DNM3: variants seen among roughly 807,000 people sequenced by gnomAD.
DNM3 encodes the protein dynamin-3.
Under a neutral mutation model 101.6 loss-of-function variants are expected in DNM3, and 47 were observed. The ratio of observed to expected loss-of-function variants is 0.46; its 90% CI spans 0.37 to 0.59. The LOEUF (loss-of-function observed/expected upper bound fraction) is 0.59, where lower values mean the gene tolerates loss of function less well. DNM3 is among the 20% of genes least tolerant of loss of function. The pLI, the probability that DNM3 is intolerant of heterozygous loss-of-function variation, is 0.00. For missense variants in DNM3, 849 were observed against 1,085.7 expected (o/e 0.78, Z 3.06); for synonymous variants, 385 against 387.9 (o/e 0.99, Z 0.09).
chr1:172,242,808 C>A (rs1191936240), intron 14 of DNM3, among the ~76,000 whole-genome samples: 4 of 152,142 alleles, frequency 2.6e-5, no homozygotes, highest in South Asian at 2.1e-4. Context: ...CTACCATACC[C>A]ACGCATGTGG....
At chr1:172,166,770 A>C (rs1188592079) in intron 14 of DNM3, among the ~76,000 whole-genome samples, 1 of 151,902 alleles carries the variant, frequency 6.6e-6, no homozygotes, top group African/African-American at 2.4e-5. Flanking sequence ...AATAGAACTT[A>C]CTCATTTTAA....
intron 4 of DNM3, among the ~76,000 whole-genome samples, chr1:172,011,195 C>G (rs771851476): frequency 6.6e-6 from 1 of 151,876 alleles, no homozygotes; most frequent in Non-Finnish European, 1.5e-5. Flanking sequence ...TCAATAAGAT[C>G]TTTCCACTGT....
intron 1 of DNM3, among the ~76,000 whole-genome samples, chr1:171,909,708 C>T (rs1478866521): frequency 6.6e-6 from 1 of 152,098 alleles, no homozygotes; most frequent in Non-Finnish European, 1.5e-5. Context: ...TGTCAAAGAC[C>T]TCTTTTCAAA....
At chr1:172,148,010 A>G (rs2057980460) in intron 14 of DNM3, among the ~76,000 whole-genome samples, 1 of 152,110 alleles carries the variant, frequency 6.6e-6, no homozygotes, top group African/African-American at 2.4e-5. Context: ...TATTGATGAT[A>G]AAATTAAAGC....
At chr1:172,414,898 T>C (rs1347092734), downstream of DNM3, among the ~76,000 whole-genome samples, 22 of 41,010 alleles carry the variant, frequency 5.4e-4, no homozygotes, top group Non-Finnish European at 1.2e-3. Flanking sequence ...CAAGACCTCA[T>C]CTCTAAAAAA....
intron 1 of DNM3, among the ~76,000 whole-genome samples, chr1:171,885,865 G>C (rs550441720): frequency 6.6e-6 from 1 of 152,284 alleles, no homozygotes; most frequent in Non-Finnish European, 1.5e-5. Context: ...GTGAGGGTTA[G>C]GGGGTGGATA....
intron 1 of DNM3, among the ~76,000 whole-genome samples, chr1:171,884,801 C>T (rs553646735): frequency 6.6e-6 from 1 of 152,302 alleles, no homozygotes; most frequent in East Asian, 1.9e-4. Flanking sequence ...CAAGAACTTT[C>T]AAATTTCTGC....
At chr1:172,334,122 G>GA (rs1311842533) in intron 17 of DNM3, among the ~76,000 whole-genome samples, 1 of 152,022 alleles carries the variant, frequency 6.6e-6, no homozygotes, top group African/African-American at 2.4e-5. Flanking sequence ...TTAAGAAACC[G>GA]AAAAAATACA....
At chr1:171,961,176 G>A (rs75272981) in intron 2 of DNM3, among the ~76,000 whole-genome samples, 1 of 152,068 alleles carries the variant, frequency 6.6e-6, no homozygotes, top group African/African-American at 2.4e-5. Flanking sequence ...AGATGGATGC[G>A]ATGGAGGGAT....
At chr1:172,337,130 C>A (rs964668207) in intron 17 of DNM3, among the ~76,000 whole-genome samples, 5 of 152,160 alleles carry the variant, frequency 3.3e-5, no homozygotes, top group African/African-American at 1.2e-4. Context: ...CCAAATATCA[C>A]CCCTTTTCCA....
Position 172,042,009 on chromosome 1 carries a change from G to C in DNM3, c.993G>C (p.Gln331His). The change falls in exon 8 of 21, where the codon CAG becomes CAC. Residue 331 changes from glutamine (Q) to histidine (H), a missense_variant and splice_region_variant. Around this residue, in one of 5 missense-constraint regions of DNM3, gnomAD observed 388 missense variants for 483.0 expected, o/e 0.80. Transcript: ENST00000627582. ...ATCTATTTCTCTTTAACAATTACAG[G>C]ATGGTTCAGCAATTTGCTGTGGACT... is the stretch of plus-strand genomic sequence containing the variant. ...DPTRKTKALL[Q>H]MVQQFAVDFE... 1 of 1,585,628 alleles carries C rather than the reference G, an allele frequency of 6.3e-7. No homozygotes were observed. Among genetic ancestry groups the C allele is most frequent in the Non-Finnish European group, 8.5e-7 (1 of 1,171,528 alleles).
intron 2 of DNM3, among the ~76,000 whole-genome samples, chr1:171,972,061 G>C (rs1428692234): frequency 6.6e-6 from 1 of 152,192 alleles, no homozygotes; most frequent in Non-Finnish European, 1.5e-5. Context: ...TAGTAGTTCA[G>C]TTTTGACTTG....
At chr1:171,918,245 A>G (rs1168265085) in intron 1 of DNM3, among the ~76,000 whole-genome samples, 4 of 152,226 alleles carry the variant, frequency 2.6e-5, no homozygotes, top group African/African-American at 9.7e-5. Context: ...CTTGGGTTTT[A>G]AAACGGTTGG....
chr1:171,913,750 G>C lies in DNM3; in HGVS notation c.162-7998G>C, dbSNP rs973935854. Among the ~76,000 whole-genome samples the C allele has an allele frequency of 4.6e-5, 7 of 151,860 alleles. No individual in the cohort carries two copies. The East Asian group carries it at 1.4e-3, about 29-fold the overall frequency. ...TCTTTTTTTGTTGGATCAGTATATT[G>C]AAATATTGTGAGATAGTACTCCTAT... On this transcript the variant is annotated intron_variant, in intron 1 of 20. Transcript: ENST00000627582.
intron 14 of DNM3, among the ~76,000 whole-genome samples, chr1:172,199,290 A>G (rs1029048781): frequency 6.6e-6 from 1 of 151,904 alleles, no homozygotes; most frequent in African/African-American, 2.4e-5. Context: ...GTATTATTTC[A>G]GTTCTTTTTC....
intron 17 of DNM3, among the ~76,000 whole-genome samples, chr1:172,344,023 C>T (rs1378596761): frequency 6.6e-6 from 1 of 152,190 alleles, no homozygotes; most frequent in African/African-American, 2.4e-5. Flanking sequence ...ATCTTCTGTT[C>T]ACTTCAGGGC....
intron 14 of DNM3, among the ~76,000 whole-genome samples, chr1:172,223,608 C>G (rs2060994951): frequency 6.6e-6 from 1 of 152,168 alleles, no homozygotes; most frequent in Non-Finnish European, 1.5e-5. Context: ...CCACTGAACC[C>G]ATGACTTGCC....
At chr1:172,156,502 C>T (rs1318486619) in intron 14 of DNM3, among the ~76,000 whole-genome samples, 1 of 151,956 alleles carries the variant, frequency 6.6e-6, no homozygotes, top group Non-Finnish European at 1.5e-5. Context: ...TTTTTCTTAC[C>T]TAATAATTCC....
At chr1:172,302,583 C>G (rs1254558128) in intron 15 of DNM3, among the ~76,000 whole-genome samples, 1 of 152,214 alleles carries the variant, frequency 6.6e-6, no homozygotes, top group East Asian at 1.9e-4. Context: ...GGGTCCATGA[C>G]CCCTGTGTAG....
Sources: allele counts gnomAD v4.1 joint callset (sites outside exome capture counted in the v4.1 genomes callset), GRCh38; gene constraint gnomAD v4.1.1; regional missense constraint gnomAD v4.1.1; transcripts MANE v1.5; gene names NCBI Gene and HGNC (gene_info 2026-07-23, HGNC 2026-07-21).